Variants in LYST observed in about 807,000 individuals in gnomAD.
LYST encodes lysosomal-trafficking regulator.
A neutral mutation model predicts 413.6 loss-of-function variants in LYST; 192 were observed. That is an observed-to-expected ratio of 0.46 (90% CI 0.41 to 0.52). The LOEUF (loss-of-function observed/expected upper bound fraction) is 0.52, where lower values mean the gene tolerates loss of function less well. LYST is among the 20% of genes least tolerant of loss of function. The pLI, the probability that LYST is intolerant of heterozygous loss-of-function variation, is 0.00. For synonymous variants in LYST, 1,525 were observed against 1,567.3 expected, an observed-to-expected ratio of 0.97 and a Z score of 0.64; for missense variants, 3,815 against 4,499.9, an observed-to-expected ratio of 0.85 and a Z score of 4.35.
At chr1:235,814,869 C>T (rs995528989) in intron 3 of LYST, among the ~76,000 whole-genome samples, 1 of 152,146 alleles carries the variant, frequency 6.6e-6, no homozygotes, top group Admixed American at 6.5e-5. Flanking sequence ...CCAGTGTCAG[C>T]TCCCTCTGCC....
chr1:235,708,997 C>G (rs1439586212), intron 44 of LYST, 94 bp downstream of exon 44: 3 of 1,091,274 alleles, frequency 2.7e-6, no homozygotes, highest in Non-Finnish European at 4.2e-6. Flanking sequence ...TCTTTGATAA[C>G]TTGAGTGTTT....
chr1:235,671,902 A>C (rs1234037763), intron 50 of LYST, among the ~76,000 whole-genome samples: 1 of 152,216 alleles, frequency 6.6e-6, no homozygotes, highest in Non-Finnish European at 1.5e-5. Flanking sequence ...GAAAGCAAAG[A>C]CCAGTTAGGT....
chr1:235,729,632 C>G lies in LYST; in HGVS notation c.9070G>C (p.Ala3024Pro). The G allele has an allele frequency of 6.2e-7, 1 of 1,611,216 alleles. No individual in the cohort carries two copies. The highest frequency in any genetic ancestry group is 8.5e-7 in the Non-Finnish European group (1 of 1,177,636). The change falls in exon 37 of 53, where the codon GCA (alanine) becomes CCA (proline). Residue 3024 changes from alanine to proline, a missense_variant. Transcript: ENST00000389793. ...IRVNRRCISVAPSRETAGELL... is the reference protein window; with the variant it reads ...IRVNRRCISVPPSRETAGELL... Reference sequence around the variant, plus strand: ...TCACCAGCTGTCTCTCTAGATGGTGCAACACTGATGCATCTTCGATTCACT... The same window carrying G: ...TCACCAGCTGTCTCTCTAGATGGTGGAACACTGATGCATCTTCGATTCACT...
In LYST at chr1:235,661,550, G is replaced by A. The variant is rs1211064582; in HGVS notation, c.*1390C>T. ...TTAAGGTTAAAGCATACATGGCCAC[G>A]TGCTTTCTCTCGAATCTATCTTGAC... is the stretch of plus-strand genomic sequence containing the variant. On this transcript the variant is annotated 3_prime_UTR_variant, in exon 53 of 53. Coordinates refer to ENST00000389793, the MANE Select transcript of LYST (RefSeq NM_000081.4). 1.3e-5 allele frequency: 2 copies of A among 152,372 alleles called. No individual in the cohort carries two copies. The highest frequency in any genetic ancestry group is 6.5e-5 in the Admixed American group (1 of 15,270). 9.4% of individuals were successfully genotyped at this position (152,372 alleles called of 1,614,324 possible).
intron 43 of LYST, 152 bp from the exon 44 acceptor site, chr1:235,709,460 C>T (rs902715843): frequency 1.5e-6 from 1 of 654,804 alleles, no homozygotes; most frequent in African/African-American, 2.4e-5. Context: ...GAATAAGAAA[C>T]ACCACTGCTC....
chr1:235,797,497 G>A (rs1360352863), intron 10 of LYST, among the ~76,000 whole-genome samples: 1 of 152,014 alleles, frequency 6.6e-6, no homozygotes. Flanking sequence ...TTTGACAAAG[G>A]TGCCAAAACC....
At chr1:235,796,467 A>G (rs1671564495) in intron 10 of LYST, among the ~76,000 whole-genome samples, 1 of 152,232 alleles carries the variant, frequency 6.6e-6, no homozygotes, top group Admixed American at 6.5e-5. Flanking sequence ...AAGGATTTGG[A>G]TAGGCATTTC....
At chr1:235,823,253 C>T (rs1179861005) in intron 3 of LYST, among the ~76,000 whole-genome samples, 12 of 152,214 alleles carry the variant, frequency 7.9e-5, no homozygotes. Flanking sequence ...CACACTCTCA[C>T]TACTCCAAGA....
chr1:235,825,202 C>T (rs1012883998), intron 3 of LYST, among the ~76,000 whole-genome samples: 67 of 152,130 alleles, frequency 4.4e-4, no homozygotes, highest in Non-Finnish European at 1.5e-4. Context: ...AGAAAATTCC[C>T]TCATTCTGAT....
At position 235,712,714 on chromosome 1, in the gene LYST, G is replaced by A. The variant is rs551671748; in HGVS notation, c.9785-517C>T. 7.7e-5 allele frequency: 76 copies of A among 984,774 alleles called. 1 individual carries two copies. The African/African-American group carries it at 1.1e-3, about 14-fold the overall frequency. 61.0% of individuals were successfully genotyped at this position (984,774 alleles called of 1,614,324 possible). A position where few individuals can be genotyped will look rare whatever the true frequency, so the allele number is the denominator to read the frequency against. On this transcript the variant is annotated intron_variant, in intron 42 of 52. Coordinates refer to ENST00000389793, the MANE Select transcript of LYST (RefSeq NM_000081.4). ...TTTTTCGGGGGGGTGCGTAGGTTAC[G>A]GTGCATTGTTTTTTGGTGTTCTAAC...
chr1:235,704,293 A>G (rs1381391540), intron 44 of LYST, among the ~76,000 whole-genome samples: 1 of 152,192 alleles, frequency 6.6e-6, no homozygotes, highest in Non-Finnish European at 1.5e-5. Context: ...TGCTGGGTAG[A>G]ATAGTAGTTC....
chr1:235,792,288 C>T (rs1343915864), intron 11 of LYST, among the ~76,000 whole-genome samples, 163 bp from the exon 12 acceptor site: 1 of 152,154 alleles, frequency 6.6e-6, no homozygotes, highest in East Asian at 1.9e-4. Context: ...TTCATTTTCT[C>T]GTAGCTGAGA....
intron 44 of LYST, among the ~76,000 whole-genome samples, chr1:235,705,390 T>A (rs558066653): frequency 5.9e-5 from 9 of 152,232 alleles, no homozygotes; most frequent in African/African-American, 2.2e-4. Context: ...ATACTTTTTT[T>A]TAAAAAAAAA....
intron 3 of LYST, among the ~76,000 whole-genome samples, chr1:235,820,307 A>G (rs935336439): frequency 1.3e-5 from 2 of 152,184 alleles, no homozygotes; most frequent in Non-Finnish European, 2.9e-5. Flanking sequence ...TCTGGATGAC[A>G]TGATAAGGAA....
rs368618083 is a variant in LYST at position 235,664,022 on chromosome 1, T to C, written c.11229A>G (p.Arg3743=). Residue 3743 remains arginine, a synonymous_variant, in exon 52 of 53, where the codon AGA becomes AGG. Transcript: ENST00000389793. This position sits in a 1 kb window ranked among gnomAD's most constrained non-coding sequence, Gnocchi z 4.5. ...TATTTGATTTGGGAAATGTAATTTCTCTCACAGGCTTTAAGTCCCATGTGC... is the reference window on the plus strand; with the variant it reads ...TATTTGATTTGGGAAATGTAATTTCCCTCACAGGCTTTAAGTCCCATGTGC... ...LWSTWDLKPV[R]EITFPKSNKP... The C allele has an allele frequency of 2.9e-5, 46 of 1,613,624 alleles. No individual in the cohort carries two copies. Among genetic ancestry groups the C allele is most frequent in the Non-Finnish European group, 3.7e-5 (44 of 1,179,488 alleles).
chr1:235,782,519 G>T (rs1669980548), intron 14 of LYST, among the ~76,000 whole-genome samples: 1 of 152,056 alleles, frequency 6.6e-6, no homozygotes, highest in Admixed American at 6.5e-5. Context: ...TTATCAGCTG[G>T]CACTGGGGCA....
intron 52 of LYST, 125 bp downstream of exon 52, chr1:235,663,859 A>C: frequency 1.2e-6 from 1 of 811,938 alleles, no homozygotes; most frequent in South Asian, 1.4e-5. Context: ...CTGTGTGTTA[A>C]GTGGTTGGCT....
chr1:235,793,210 C>T (rs1327366974), intron 11 of LYST, among the ~76,000 whole-genome samples: 4 of 152,140 alleles, frequency 2.6e-5, no homozygotes, highest in Non-Finnish European at 5.9e-5. Context: ...ATTAAGTTCT[C>T]TTTAGTAATT....
chr1:235,670,302 A>C (rs1658828711), intron 50 of LYST, among the ~76,000 whole-genome samples: 1 of 152,214 alleles, frequency 6.6e-6, no homozygotes, highest in Non-Finnish European at 1.5e-5. Context: ...TAGGGATAAA[A>C]ACTTTTCTCT....
Sources: gnomAD v4.1 joint callset for allele counts (sites outside exome capture counted in the v4.1 genomes callset) on GRCh38, gnomAD v4.1.1 for gene constraint, Gnocchi (gnomAD v3.1) non-coding constraint, MANE v1.5 for transcripts, NCBI Gene and HGNC (gene_info 2026-07-23, HGNC 2026-07-21) for gene names.